Variants in REEP1 observed in about 807,000 individuals in gnomAD.
The protein encoded by REEP1 is receptor expression-enhancing protein 1.
REEP1 carries 22 observed loss-of-function variants against 40.3 expected under a neutral mutation model. The ratio of observed to expected loss-of-function variants is 0.55; its 90% confidence interval spans 0.39 to 0.78. The LOEUF is 0.78. REEP1 is among the 30% of genes least tolerant of loss of function. REEP1 has a pLI of 0.00. For synonymous variants in REEP1, 116 were observed against 139.2 expected, an observed-to-expected ratio of 0.83 and a Z score of 1.17; for missense variants, 280 against 361.1, an observed-to-expected ratio of 0.78 and a Z score of 1.82.
chr2:86,264,090 C>CTTTTCT, intron 2 of REEP1, 49 bp from the exon 3 acceptor site: 2 of 1,384,900 alleles, frequency 1.4e-6, no homozygotes, highest in Non-Finnish European at 2.1e-6. Flanking sequence ...CCAGGAAAAA[C>CTTTTCT]ACTGCCCAAC....
chr2:86,278,565 C>T (rs577020714), intron 2 of REEP1, among the ~76,000 whole-genome samples: 1 of 152,174 alleles, frequency 6.6e-6, no homozygotes, highest in Non-Finnish European at 1.5e-5. Context: ...GCCTAAGAGG[C>T]AGCTGTATTG....
At chr2:86,259,665 G>A (rs1350211481) in intron 3 of REEP1, among the ~76,000 whole-genome samples, 1 of 152,050 alleles carries the variant, frequency 6.6e-6, no homozygotes, top group Non-Finnish European at 1.5e-5. Flanking sequence ...TGGGATTACA[G>A]GCATGAGCCA....
At chr2:86,223,514 A>G (rs1674531125) in intron 7 of REEP1, 1 of 152,314 alleles carries the variant, frequency 6.6e-6, no homozygotes, top group Non-Finnish European at 1.5e-5. Context: ...AGCACCGAGG[A>G]GAGAGAAAAG....
chr2:86,271,533 AC>A (rs1360189943), intron 2 of REEP1, among the ~76,000 whole-genome samples: 2 of 152,226 alleles, frequency 1.3e-5, no homozygotes, highest in Admixed American at 1.3e-4. Flanking sequence ...AGAATTCTAT[AC>A]CCAGCAAAAA....
intron 1 of REEP1, among the ~76,000 whole-genome samples, chr2:86,283,728 C>T (rs1301287942): frequency 6.6e-6 from 1 of 152,220 alleles, no homozygotes; most frequent in African/African-American, 2.4e-5. Context: ...TGCTTTAGAG[C>T]TTTATCCCAC....
chr2:86,279,665 T>C (rs77708926), intron 2 of REEP1, among the ~76,000 whole-genome samples: 2,961 of 152,174 alleles, frequency 0.019, 91 homozygotes, highest in African/African-American at 0.067. Context: ...GAGGGAGATA[T>C]GGTTATGGAA....
intron 1 of REEP1, among the ~76,000 whole-genome samples, chr2:86,282,664 T>G (rs1678162707): frequency 6.6e-6 from 1 of 152,178 alleles, no homozygotes; most frequent in African/African-American, 2.4e-5. Flanking sequence ...CCCTTGGACT[T>G]GATCTCAGCA....
rs758454701 is a variant in REEP1, at chr2:86,252,049, G to T, written c.325C>A (p.Gln109Lys). The T allele has an allele frequency of 6.2e-7, 1 of 1,613,652 alleles. No homozygotes were observed. The highest frequency in any genetic ancestry group is 2.2e-5 in the East Asian group (1 of 44,866). Residue 109 changes from glutamine to lysine, a missense_variant, in exon 5 of 9, where the codon CAA (glutamine) becomes AAA (lysine). Physicochemically the swap from Gln to Lys is moderately conservative, Grantham distance 53. This residue lies in a region of REEP1 where 201 missense variants were observed against 238.5 expected (regional missense o/e 0.84). Transcript: ENST00000538924. ...GCATCGTAACTTCGGTCTTTTGCTT[G>T]GACCAGACAATCATCGATTTCCTGT... Reference protein sequence around the residue: ...KEKEIDDCLVQAKDRSYDALV... With the variant: ...KEKEIDDCLVKAKDRSYDALV...
At chr2:86,255,665 C>T (rs542428293) in intron 3 of REEP1, among the ~76,000 whole-genome samples, 2 of 152,306 alleles carry the variant, frequency 1.3e-5, no homozygotes, top group Admixed American at 6.5e-5. Context: ...AGACAAGATT[C>T]TGGCATCCTT....
chr2:86,274,295 A>C (rs551721252), intron 2 of REEP1, among the ~76,000 whole-genome samples: 116 of 152,368 alleles, frequency 7.6e-4, no homozygotes, highest in African/African-American at 2.2e-3. Flanking sequence ...AGGGCAGCCA[A>C]GAAGATTGCC....
rs768103469 is a variant in REEP1 at position 86,227,712 on chromosome 2, C to A, written c.596-314G>T. On this transcript the variant is annotated intron_variant, in intron 6 of 8. Transcript: ENST00000538924. ...CTCCAAGCACCCCTGCCCAAAGCCT[C>A]CTCCTCTCTTTGCTTTCCAGTTCAG... 3.9e-5 allele frequency among the ~76,000 whole-genome samples: 6 copies of A among 152,338 alleles called. No individual in the cohort carries two copies. The East Asian group carries it at 7.7e-4, about 20-fold the overall frequency.
intron 1 of REEP1, among the ~76,000 whole-genome samples, chr2:86,326,781 A>G (rs536060010): frequency 6.6e-6 from 1 of 152,304 alleles, no homozygotes; most frequent in African/African-American, 2.4e-5. Flanking sequence ...GGAAGCCAGG[A>G]GCTCCCTGCC....
rs542890804 is a variant in REEP1, at chr2:86,229,479, C to T, written c.596-2081G>A. Among the ~76,000 whole-genome samples, 267 of 152,248 alleles carry T rather than the reference C, an allele frequency of 1.8e-3. 2 individuals are homozygous for T. Among genetic ancestry groups the T allele is most frequent in the African/African-American group, 5.9e-3 (243 of 41,530 alleles). The stretch of plus-strand genomic sequence containing the variant: ...CACCAGCCCGGTATAAATTGGCTTC[C>T]TCTGCCAGACTTCCTCCTAGGCATG... On this transcript the variant is annotated intron_variant, in intron 6 of 8. Coordinates refer to ENST00000538924, the MANE Select transcript of REEP1 (RefSeq NM_001371279.1).
intron 2 of REEP1, chr2:86,280,156 G>A (rs1276286662): frequency 9.6e-6 from 4 of 415,574 alleles, no homozygotes; most frequent in South Asian, 1.7e-5. Flanking sequence ...CGAAAGGACT[G>A]CAGGAAGGAA....
At chr2:86,286,968 C>T (rs567681480) in intron 1 of REEP1, among the ~76,000 whole-genome samples, 7 of 152,136 alleles carry the variant, frequency 4.6e-5, no homozygotes, top group Admixed American at 4.6e-4. Context: ...CTCTTTATAC[C>T]ATTAAAAAAC....
intron 2 of REEP1, among the ~76,000 whole-genome samples, chr2:86,275,790 G>A (rs12999029): frequency 0.33 from 49,747 of 152,026 alleles, 9,485 homozygotes; most frequent in Middle Eastern, 0.45. Flanking sequence ...TCATTTCCAC[G>A]TCTTTGTGAC....
In REEP1 at chr2:86,319,177, A is replaced by G. The variant is rs1680166249; in HGVS notation, c.32+18302T>C. Among the ~76,000 whole-genome samples, 3 of 152,270 alleles carry G rather than the reference A, an allele frequency of 2.0e-5. No homozygotes were observed. In the South Asian group the frequency reaches 6.2e-4, roughly 32 times the overall value. On this transcript the variant is annotated intron_variant, in intron 1 of 8. Transcript: ENST00000538924. ...AAGATAGCCTGGAGAGTGTATTAAC[A>G]CACAGATTCCTGGGCCCTAACCTCA... is the stretch of plus-strand genomic sequence containing the variant.
chr2:86,252,660 C>T (rs1225599886), intron 4 of REEP1, among the ~76,000 whole-genome samples: 2 of 152,328 alleles, frequency 1.3e-5, no homozygotes, highest in South Asian at 2.1e-4. Flanking sequence ...TGAGCCCTTG[C>T]AGTTCTAAAA....
intron 6 of REEP1, among the ~76,000 whole-genome samples, chr2:86,231,671 C>T (rs1024017806): frequency 2.0e-5 from 3 of 152,132 alleles, no homozygotes; most frequent in African/African-American, 4.8e-5. Flanking sequence ...CTCACCACAG[C>T]GAGGCAGAAG....
Sources: gnomAD v4.1 joint callset for allele counts (sites outside exome capture counted in the v4.1 genomes callset) on GRCh38, gnomAD v4.1.1 for gene constraint, gnomAD v4.1.1 regional missense constraint, MANE v1.5 for transcripts, NCBI Gene and HGNC (gene_info 2026-07-23, HGNC 2026-07-21) for gene names.